ATP6V1A: variants seen among roughly 807,000 people sequenced by gnomAD.
ATP6V1A encodes V-type proton ATPase catalytic subunit A.
In ATP6V1A, 18 loss-of-function variants were observed where a neutral mutation model predicts 70.1. The observed-to-expected ratio is 0.26, with a 90% CI of 0.18 to 0.38. The LOEUF is 0.38. Ranked by LOEUF, ATP6V1A falls within the 10% of genes least tolerant of loss-of-function variation. ATP6V1A has a pLI of 1.00. For synonymous variants in ATP6V1A, 232 were observed against 253.8 expected (o/e 0.91, Z 0.82); for missense variants, 424 against 772.4 (o/e 0.55, Z 5.35).
At chr3:113,799,563 A>C (rs1232016471) in intron 12 of ATP6V1A, among the ~76,000 whole-genome samples, 1 of 152,192 alleles carries the variant, frequency 6.6e-6, no homozygotes, top group Non-Finnish European at 1.5e-5. Flanking sequence ...AATACCAGAG[A>C]TCATAACCAA....
At chr3:113,749,782 A>G (rs1173385830) in intron 1 of ATP6V1A, among the ~76,000 whole-genome samples, 2 of 152,248 alleles carry the variant, frequency 1.3e-5, no homozygotes, top group Non-Finnish European at 2.9e-5. Context: ...AGACAAAGAA[A>G]TTAAACCACT....
At chr3:113,753,660 C>T (rs923604887) in intron 1 of ATP6V1A, among the ~76,000 whole-genome samples, 27 of 150,602 alleles carry the variant, frequency 1.8e-4, no homozygotes, top group African/African-American at 6.1e-4. Flanking sequence ...AAAGGATTTC[C>T]AAGTACATTC....
intron 1 of ATP6V1A, among the ~76,000 whole-genome samples, chr3:113,776,529 A>G (rs1367080644): frequency 2.0e-5 from 3 of 152,208 alleles, no homozygotes; most frequent in Non-Finnish European, 2.9e-5. Flanking sequence ...CTATATAGCT[A>G]TTTAAAGCTT....
At chr3:113,790,806 A>C (rs1022577255) in intron 8 of ATP6V1A, among the ~76,000 whole-genome samples, 3 of 152,150 alleles carry the variant, frequency 2.0e-5, no homozygotes, top group African/African-American at 7.2e-5. Flanking sequence ...GTTTCTTCAT[A>C]AATTTATTTT....
intron 1 of ATP6V1A, among the ~76,000 whole-genome samples, chr3:113,762,148 G>C (rs1708711858): frequency 8.1e-6 from 1 of 123,090 alleles, no homozygotes; most frequent in South Asian, 2.5e-4. Flanking sequence ...GCAAAACTCT[G>C]TCTCAAAAAA....
At chr3:113,768,434 A>T (rs939662472) in intron 1 of ATP6V1A, among the ~76,000 whole-genome samples, 4 of 152,086 alleles carry the variant, frequency 2.6e-5, no homozygotes, top group Non-Finnish European at 5.9e-5. Flanking sequence ...TAAAGGCAAC[A>T]AGGACTCAGA....
chr3:113,808,659 T>C (rs1559762700), intron 14 of ATP6V1A, among the ~76,000 whole-genome samples: 1 of 152,178 alleles, frequency 6.6e-6, no homozygotes, highest in South Asian at 2.1e-4. Flanking sequence ...AGTGTGATAA[T>C]ACCAGATGTT....
At chr3:113,792,779 A>G (rs1447277991) in intron 8 of ATP6V1A, among the ~76,000 whole-genome samples, 1 of 152,222 alleles carries the variant, frequency 6.6e-6, no homozygotes, top group Non-Finnish European at 1.5e-5. Context: ...CACCAATGCT[A>G]GTTTTTTCAA....
At chr3:113,792,618 G>A (rs1709108367) in intron 8 of ATP6V1A, among the ~76,000 whole-genome samples, 1 of 152,204 alleles carries the variant, frequency 6.6e-6, no homozygotes, top group African/African-American at 2.4e-5. Context: ...TTATAGGCAT[G>A]AACCACCATG....
intron 1 of ATP6V1A, among the ~76,000 whole-genome samples, chr3:113,751,634 G>A (rs1429410994): frequency 6.6e-6 from 1 of 151,254 alleles, no homozygotes; most frequent in South Asian, 2.1e-4. Flanking sequence ...TGAAATGATA[G>A]CGACTTTGGT....
Position 113,803,487 on chromosome 3 carries a change from G to A in ATP6V1A, c.1495-96G>A, listed in dbSNP as rs139079972. Reference sequence around the variant, plus strand: ...GTAAATTTATTAACAATAGGTGATGGTGGAAACTATATAATAGTTTCTGCT... The same window carrying A: ...GTAAATTTATTAACAATAGGTGATGATGGAAACTATATAATAGTTTCTGCT... On this transcript the variant is annotated intron_variant, in intron 12 of 14. Transcript: ENST00000273398. The A allele has an allele frequency of 2.1e-5, 19 of 896,590 alleles. No individual in the cohort carries two copies. The African/African-American group carries it at 3.0e-4, about 14-fold the overall frequency. The allele number at this position is 896,590 out of a possible 1,614,324, so 55.5% of individuals were successfully genotyped here. A position where few individuals can be genotyped will look rare whatever the true frequency, so the allele number is the denominator to read the frequency against.
At chr3:113,776,472 A>G (rs1351149364) in intron 1 of ATP6V1A, among the ~76,000 whole-genome samples, 8 of 152,228 alleles carry the variant, frequency 5.3e-5, no homozygotes, top group African/African-American at 1.9e-4. Context: ...CTGTGCTCCC[A>G]AGGTGGTGTT....
chr3:113,784,174 A>G, intron 3 of ATP6V1A, 50 bp from the exon 4 acceptor site: 1 of 1,526,602 alleles, frequency 6.6e-7, no homozygotes, highest in African/African-American at 1.4e-5. Flanking sequence ...TTTCCTGTTA[A>G]TTGTGTCTTT....
At chr3:113,781,201 C>T in intron 3 of ATP6V1A, 23 bp downstream of exon 3, 2 of 1,590,502 alleles carry the variant, frequency 1.3e-6, no homozygotes, top group Non-Finnish European at 1.7e-6. Flanking sequence ...GCTCAATTTC[C>T]TGCCACTTTC....
intron 1 of ATP6V1A, among the ~76,000 whole-genome samples, chr3:113,750,376 G>A (rs1008332657): frequency 1.3e-5 from 2 of 152,216 alleles, no homozygotes; most frequent in Admixed American, 6.5e-5. Context: ...CAGCTACTCA[G>A]GAGGCTGAGG....
intron 1 of ATP6V1A, among the ~76,000 whole-genome samples, chr3:113,774,649 A>T (rs915564924): frequency 6.6e-6 from 1 of 152,078 alleles, no homozygotes; most frequent in Non-Finnish European, 1.5e-5. Context: ...CCCTATCTCT[A>T]CTAAAAATAC....
chr3:113,750,374 CAGGAGG>C (rs1708572710), intron 1 of ATP6V1A, among the ~76,000 whole-genome samples: 1 of 152,124 alleles, frequency 6.6e-6, no homozygotes, highest in Non-Finnish European at 1.5e-5. Context: ...GCCAGCTACT[CAGGAGG>C]CTGAGGCAGG....
intron 1 of ATP6V1A, among the ~76,000 whole-genome samples, chr3:113,765,242 A>G (rs1417734975): frequency 1.3e-5 from 2 of 151,984 alleles, no homozygotes; most frequent in South Asian, 4.1e-4. Flanking sequence ...TTTGGCTAAT[A>G]TAGTTAGTTG....
chr3:113,756,002 A>G (rs1323535126), intron 1 of ATP6V1A, among the ~76,000 whole-genome samples: 1 of 152,226 alleles, frequency 6.6e-6, no homozygotes, highest in Non-Finnish European at 1.5e-5. Context: ...ATTTATTGAG[A>G]GCTTACTCCT....
Sources: gnomAD v4.1 joint callset for allele counts (sites outside exome capture counted in the v4.1 genomes callset) on GRCh38, gnomAD v4.1.1 for gene constraint, MANE v1.5 for transcripts, NCBI Gene and HGNC (gene_info 2026-07-23, HGNC 2026-07-21) for gene names.